LTBP1: variants seen among roughly 807,000 people sequenced by gnomAD.
The protein encoded by LTBP1 is latent transforming growth factor beta binding protein 1, also known as latent-transforming growth factor beta-binding protein 1.
A neutral mutation model predicts 207.6 loss-of-function variants in LTBP1; 129 were observed. The observed-to-expected ratio is 0.62, with a 90% CI of 0.54 to 0.72. The LOEUF is 0.72. Ranked by LOEUF, LTBP1 falls within the 30% of genes least tolerant of loss-of-function variation. The pLI is 0.00. For missense variants in LTBP1, 2,281 were observed against 2,217.2 expected, an observed-to-expected ratio of 1.03 and a Z score of -0.58; for synonymous variants, 963 against 833.7, an observed-to-expected ratio of 1.16 and a Z score of -2.67.
intron 2 of LTBP1, among the ~76,000 whole-genome samples, chr2:32,984,511 C>T (rs756890811): frequency 2.6e-4 from 39 of 152,060 alleles, no homozygotes; most frequent in Non-Finnish European, 3.2e-4. Context: ...GGGGTCAGGA[C>T]GAGAGAACTG....
chr2:33,092,885 A>C (rs2079180558), intron 3 of LTBP1, among the ~76,000 whole-genome samples: 1 of 152,156 alleles, frequency 6.6e-6, no homozygotes, highest in South Asian at 2.1e-4. Context: ...ATTTTCTGCT[A>C]GTATATTTTG....
chr2:33,291,393 G>C (rs1405079363), intron 19 of LTBP1: 1 of 152,196 alleles, frequency 6.6e-6, no homozygotes, highest in African/African-American at 2.4e-5. Flanking sequence ...TTCTGAGCTT[G>C]TTAACATTTT....
In LTBP1 at chr2:33,375,197, G is replaced by C. The variant is rs533195332; in HGVS notation, c.4711+9694G>C. Among the ~76,000 whole-genome samples the C allele has an allele frequency of 1.4e-4, 21 of 152,282 alleles. No homozygotes were observed. The South Asian group carries it at 4.3e-3, about 32-fold the overall frequency. On this transcript the variant is annotated intron_variant, in intron 31 of 33. Coordinates refer to ENST00000404816, the MANE Select transcript of LTBP1 (RefSeq NM_206943.4). Reference sequence around the variant, plus strand: ...TTACATGCTCAAGAGGGTTAAATGTGATAATGCATGGGAGAGGATTGGCCT... The same window carrying C: ...TTACATGCTCAAGAGGGTTAAATGTCATAATGCATGGGAGAGGATTGGCCT...
chr2:33,213,963 G>C (rs1228619641), intron 7 of LTBP1, among the ~76,000 whole-genome samples: 1 of 152,160 alleles, frequency 6.6e-6, no homozygotes, highest in Non-Finnish European at 1.5e-5. Context: ...TGGAGGCCCT[G>C]TTGAGAAAAA....
In LTBP1 at chr2:33,390,445, C is replaced by T. The variant is rs139245989; in HGVS notation, c.4834+1139C>T. Reference sequence around the variant, plus strand: ...AGGAAAACGCCCATTTTGAGAGCCTCGTCCACAGCTCACAGAGGGGCCATC... The same window carrying T: ...AGGAAAACGCCCATTTTGAGAGCCTTGTCCACAGCTCACAGAGGGGCCATC... On this transcript the variant is annotated intron_variant, in intron 32 of 33. Coordinates refer to ENST00000404816, the MANE Select transcript of LTBP1 (RefSeq NM_206943.4). Among the ~76,000 whole-genome samples the T allele has an allele frequency of 1.2e-3, 179 of 152,038 alleles. 1 individual carries two copies. The South Asian group carries it at 0.036, about 30-fold the overall frequency.
At chr2:33,073,314 A>G (rs1339394541) in intron 3 of LTBP1, among the ~76,000 whole-genome samples, 6 of 150,740 alleles carry the variant, frequency 4.0e-5, no homozygotes, top group Admixed American at 1.3e-4. Context: ...TACCATGTAC[A>G]TATCAACAGA....
At chr2:32,959,615 A>ATTTTTTTTTTTTTTT (rs1232142524) in intron 2 of LTBP1, among the ~76,000 whole-genome samples, 1 of 37,708 alleles carries the variant, frequency 2.7e-5, no homozygotes, top group African/African-American at 8.3e-5. Context: ...ATATATATAT[A>ATTTTTTTTTTTTTTT]TATATATTTT....
intron 5 of LTBP1, among the ~76,000 whole-genome samples, chr2:33,149,233 A>AAACAAAAAAAC (rs537521247): frequency 1.6e-5 from 2 of 122,184 alleles, no homozygotes; most frequent in Non-Finnish European, 3.7e-5. Flanking sequence ...AAAAACAAAA[A>AAACAAAAAAAC]AAAAAAAAAA....
intron 3 of LTBP1, among the ~76,000 whole-genome samples, chr2:33,034,005 G>T (rs574870839): frequency 6.6e-6 from 1 of 152,248 alleles, no homozygotes; most frequent in South Asian, 2.1e-4. Context: ...GGCTCCCTGG[G>T]GGACAGGAGA....
chr2:33,255,033 C>T (rs1183812906), intron 11 of LTBP1, among the ~76,000 whole-genome samples: 1 of 140,158 alleles, frequency 7.1e-6, no homozygotes, highest in African/African-American at 2.7e-5. Flanking sequence ...CCCACTAACT[C>T]GTCATCTAGC....
intron 4 of LTBP1, among the ~76,000 whole-genome samples, chr2:33,112,521 TAAAA>T (rs2080473543): frequency 2.0e-5 from 3 of 150,912 alleles, no homozygotes. Flanking sequence ...TCAAACCCCC[TAAAA>T]GATGGCTGTT....
intron 26 of LTBP1, among the ~76,000 whole-genome samples, chr2:33,349,070 A>G (rs1264706137): frequency 6.6e-6 from 1 of 152,222 alleles, no homozygotes; most frequent in East Asian, 1.9e-4. Context: ...AGAGTCAATA[A>G]TTGATCAGTT....
intron 3 of LTBP1, among the ~76,000 whole-genome samples, chr2:33,059,547 A>T (rs2077167191): frequency 6.6e-6 from 1 of 152,224 alleles, no homozygotes; most frequent in Non-Finnish European, 1.5e-5. Context: ...CCTCTATAGG[A>T]TTAAAACAAT....
intron 26 of LTBP1, among the ~76,000 whole-genome samples, chr2:33,351,633 C>CT (rs975210817): frequency 4.6e-5 from 7 of 152,296 alleles, no homozygotes; most frequent in African/African-American, 1.7e-4. Context: ...ATCAGGCCCT[C>CT]TGACTTTTCA....
chr2:33,135,457 C>T (rs71446101), intron 5 of LTBP1, among the ~76,000 whole-genome samples: 2 of 152,180 alleles, frequency 1.3e-5, no homozygotes, highest in Non-Finnish European at 2.9e-5. Context: ...GAAAAGGATA[C>T]AGAGTTGCAT....
chr2:33,020,442 A>G (rs1573130955), intron 2 of LTBP1, among the ~76,000 whole-genome samples: 1 of 152,218 alleles, frequency 6.6e-6, no homozygotes, highest in East Asian at 1.9e-4. Flanking sequence ...ACATAACTTT[A>G]AAATAATGGC....
intron 20 of LTBP1, 107 bp downstream of exon 20, chr2:33,293,389 C>T (rs2093813077): frequency 1.7e-6 from 2 of 1,165,204 alleles, no homozygotes; most frequent in Non-Finnish European, 2.3e-6. Context: ...TTTATTTTGA[C>T]CGAGCGACTT....
intron 24 of LTBP1, among the ~76,000 whole-genome samples, chr2:33,341,729 A>ATATATATATAT (rs1553509296): frequency 2.0e-3 from 188 of 93,596 alleles, no homozygotes; most frequent in African/African-American, 6.4e-3. Flanking sequence ...AAAAAAAAAA[A>ATATATATATAT]ATATATATAT....
chr2:33,076,510 G>A (rs1354997378), intron 3 of LTBP1, among the ~76,000 whole-genome samples: 2 of 151,880 alleles, frequency 1.3e-5, no homozygotes, highest in African/African-American at 2.4e-5. Context: ...CGAGGGAGGG[G>A]GTATCATGAA....
Sources: allele counts gnomAD v4.1 joint callset (sites outside exome capture counted in the v4.1 genomes callset), GRCh38; gene constraint gnomAD v4.1.1; transcripts MANE v1.5; gene names NCBI Gene and HGNC (gene_info 2026-07-23, HGNC 2026-07-21).